The following SCLT1 variants were observed in gnomAD, a reference collection of about 807,000 sequenced individuals.
SCLT1 encodes the protein sodium channel and clathrin linker 1.
Under a neutral mutation model 112.8 loss-of-function variants are expected in SCLT1, and 78 were observed. That is an observed-to-expected ratio of 0.69 (90% CI 0.58 to 0.83). The LOEUF (loss-of-function observed/expected upper bound fraction) is 0.83. Among genes scored for constraint, SCLT1 ranks in the 40% least tolerant of loss-of-function variants. The pLI, the probability that SCLT1 is intolerant of heterozygous loss-of-function variation, is 0.00. For missense variants in SCLT1, 747 were observed against 770.4 expected (o/e 0.97, Z 0.36); for synonymous variants, 257 against 254.7 (o/e 1.01, Z -0.09).
At chr4:128,961,199 A>T (rs560278555) in intron 11 of SCLT1, among the ~76,000 whole-genome samples, 2 of 152,034 alleles carry the variant, frequency 1.3e-5, no homozygotes, top group African/African-American at 4.8e-5. Context: ...TATTTCCATG[A>T]CTTTAATTTT....
intron 18 of SCLT1, among the ~76,000 whole-genome samples, chr4:128,918,982 G>A (rs977870469): frequency 6.6e-6 from 1 of 152,144 alleles, no homozygotes; most frequent in African/African-American, 2.4e-5. Context: ...AATAGTGGGA[G>A]ATTTCAACAT....
rs114753492 is a variant in SCLT1 at position 128,929,843 on chromosome 4, A to G, written c.1829+6812T>C. Among the ~76,000 whole-genome samples, 922 of 152,318 alleles carry G rather than the reference A, an allele frequency of 6.1e-3. 8 individuals are homozygous for G. Among genetic ancestry groups the G allele is most frequent in the African/African-American group, 0.021 (883 of 41,570 alleles). Reference sequence around the variant, plus strand: ...CTATCCTGTGTTGTTGTCTTTGTCTATTCATGGTGTTATAACAAAATACCA... The same window carrying G: ...CTATCCTGTGTTGTTGTCTTTGTCTGTTCATGGTGTTATAACAAAATACCA... On this transcript the variant is annotated intron_variant, in intron 18 of 20. Coordinates refer to ENST00000281142, the MANE Select transcript of SCLT1 (RefSeq NM_144643.4).
intron 18 of SCLT1, among the ~76,000 whole-genome samples, chr4:128,912,782 G>A (rs1735203929): frequency 6.6e-6 from 1 of 151,500 alleles, no homozygotes; most frequent in African/African-American, 2.4e-5. Flanking sequence ...GTCTCAATGT[G>A]TTGTCCTTTA....
intron 2 of SCLT1, among the ~76,000 whole-genome samples, chr4:129,053,715 A>C (rs1749076929): frequency 6.6e-6 from 1 of 151,700 alleles, no homozygotes; most frequent in African/African-American, 2.4e-5. Flanking sequence ...CCAATTTGCC[A>C]GTCTGTGTCT....
chr4:129,024,012 T>G (rs1413987338), intron 5 of SCLT1, among the ~76,000 whole-genome samples: 1 of 152,210 alleles, frequency 6.6e-6, no homozygotes. Flanking sequence ...TGCCCAGGCT[T>G]GCTTAGGTAA....
intron 18 of SCLT1, among the ~76,000 whole-genome samples, chr4:128,918,682 A>C (rs1735655193): frequency 6.6e-6 from 1 of 152,166 alleles, no homozygotes; most frequent in African/African-American, 2.4e-5. Context: ...TGTGATCTAC[A>C]AGGAACCCAT....
At chr4:128,898,893 C>T (rs1734024387) in intron 18 of SCLT1, among the ~76,000 whole-genome samples, 1 of 152,306 alleles carries the variant, frequency 6.6e-6, no homozygotes, top group Admixed American at 6.5e-5. Flanking sequence ...ATACTATAAA[C>T]ACCTCTACGC....
intron 5 of SCLT1, among the ~76,000 whole-genome samples, chr4:129,035,938 T>C (rs1269827277): frequency 1.3e-5 from 2 of 152,130 alleles, no homozygotes; most frequent in East Asian, 1.9e-4. Flanking sequence ...TACTCTGATA[T>C]GTAAATGTAA....
At position 128,970,443 on chromosome 4, in the gene SCLT1, C is replaced by G; in HGVS notation, c.712G>C (p.Ala238Pro). ...GTTAACTCTTCCACTTTTGCTACAG[C>G]AACTCTCAGCTCTAATTTGGCTTGC... ...LRQAKLELRV[A>P]VAKVEELTNV... The change falls in exon 10 of 21, where the codon GCT becomes CCT. Residue 238 changes from alanine (A) to proline (P), a missense_variant. By Grantham distance (27) the Ala-to-Pro change is conservative. Around this residue, in one of 2 missense-constraint regions of SCLT1, gnomAD observed 723 missense variants for 721.3 expected, o/e 1.00. Coordinates refer to ENST00000281142, the MANE Select transcript of SCLT1 (RefSeq NM_144643.4). 6.2e-7 allele frequency: 1 copy of G among 1,604,942 alleles called. No individual in the cohort carries two copies. Among genetic ancestry groups the G allele is most frequent in the Non-Finnish European group, 8.5e-7 (1 of 1,172,392 alleles).
At chr4:128,926,148 G>C (rs1426235064) in intron 18 of SCLT1, among the ~76,000 whole-genome samples, 1 of 151,628 alleles carries the variant, frequency 6.6e-6, no homozygotes. Context: ...TATTTTGTTG[G>C]ATTTGTTCTG....
At chr4:129,031,375 G>A (rs1439921218) in intron 5 of SCLT1, among the ~76,000 whole-genome samples, 2 of 152,114 alleles carry the variant, frequency 1.3e-5, no homozygotes, top group Non-Finnish European at 2.9e-5. Context: ...GGCAAAAGCT[G>A]AAAGCGTTCC....
intron 2 of SCLT1, among the ~76,000 whole-genome samples, chr4:129,049,352 C>T (rs940747047): frequency 6.6e-6 from 1 of 151,594 alleles, no homozygotes; most frequent in African/African-American, 2.4e-5. Context: ...AATTGGAAAT[C>T]ATCATTCTCA....
chr4:129,072,466 A>G (rs1751100610), intron 2 of SCLT1, among the ~76,000 whole-genome samples: 1 of 152,092 alleles, frequency 6.6e-6, no homozygotes, highest in Admixed American at 6.6e-5. Flanking sequence ...TGTTTAACAT[A>G]ATTCCAGACT....
chr4:128,928,275 G>A (rs1478022215), intron 18 of SCLT1, among the ~76,000 whole-genome samples: 3 of 151,956 alleles, frequency 2.0e-5, no homozygotes, highest in Non-Finnish European at 4.4e-5. Context: ...ATTTGTTTTT[G>A]AGGCTAACAT....
At chr4:129,071,892 AT>A (rs1434890839) in intron 2 of SCLT1, among the ~76,000 whole-genome samples, 2 of 151,888 alleles carry the variant, frequency 1.3e-5, no homozygotes, top group Non-Finnish European at 2.9e-5. Flanking sequence ...TTTAGCTTAT[AT>A]TTTTGTTTTA....
At chr4:129,013,085 C>T (rs957591632) in intron 5 of SCLT1, among the ~76,000 whole-genome samples, 1 of 152,056 alleles carries the variant, frequency 6.6e-6, no homozygotes, top group Non-Finnish European at 1.5e-5. Context: ...TATTTCATTA[C>T]CCAGGTATTA....
At chr4:128,954,979 T>C (rs1489924180) in intron 13 of SCLT1, among the ~76,000 whole-genome samples, 3 of 152,222 alleles carry the variant, frequency 2.0e-5, no homozygotes, top group Non-Finnish European at 4.4e-5. Context: ...TGAGGGTTTA[T>C]GTCAATAAGA....
chr4:129,007,861 T>C (rs1273962279), intron 5 of SCLT1, among the ~76,000 whole-genome samples: 1 of 152,220 alleles, frequency 6.6e-6, no homozygotes, highest in African/African-American at 2.4e-5. Flanking sequence ...TTACATTTTA[T>C]TATTCCACTT....
chr4:128,891,142 T>C lies in SCLT1; in HGVS notation c.1830-5A>G, dbSNP rs58335620. 1.8e-3 allele frequency: 2,892 copies of C among 1,604,540 alleles called. 44 individuals carry two copies. The African/African-American group carries it at 0.035, about 19-fold the overall frequency. Reference sequence around the variant, plus strand: ...TTCTGTCGACTCAGCTCACTCCTATTAAGAGCACCAAAAAATCCATTAATA... The same window carrying C: ...TTCTGTCGACTCAGCTCACTCCTATCAAGAGCACCAAAAAATCCATTAATA... On this transcript the variant is annotated splice_region_variant and splice_polypyrimidine_tract_variant and intron_variant, in intron 18 of 20. Transcript: ENST00000281142.
Sources: allele counts gnomAD v4.1 joint callset (sites outside exome capture counted in the v4.1 genomes callset), GRCh38; gene constraint gnomAD v4.1.1; regional missense constraint gnomAD v4.1.1; transcripts MANE v1.5; gene names NCBI Gene and HGNC (gene_info 2026-07-23, HGNC 2026-07-21).